Variants in ZC3H11A observed in about 807,000 individuals in gnomAD.
ZC3H11A encodes the protein zinc finger CCCH domain-containing protein 11A.
ZC3H11A carries 22 observed loss-of-function variants against 90.8 expected under a neutral mutation model. The observed-to-expected ratio is 0.24, with a 90% CI of 0.17 to 0.35. The LOEUF (loss-of-function observed/expected upper bound fraction) is 0.35. ZC3H11A is among the 10% of genes least tolerant of loss of function. The probability of loss-of-function intolerance (pLI) is 1.00; values close to 1 mark genes in which losing one functional copy is unlikely to be tolerated. For synonymous variants in ZC3H11A, 294 were observed against 339.8 expected (o/e 0.87, Z 1.48); for missense variants, 701 against 964.9 (o/e 0.73, Z 3.62).
intron 4 of ZC3H11A, among the ~76,000 whole-genome samples, chr1:203,822,958 T>A (rs1462683333): frequency 6.6e-6 from 1 of 152,178 alleles, no homozygotes. Flanking sequence ...GCTACTCCAG[T>A]CTGGTTTTGT....
In ZC3H11A at chr1:203,799,029, G is replaced by A. The variant is rs566034456; in HGVS notation, c.-1587-2546G>A. 210 of 1,536,138 alleles carry A rather than the reference G, an allele frequency of 1.4e-4. No homozygotes were observed. The African/African-American group carries it at 2.8e-3, about 20-fold the overall frequency. ...CTATTTTATTGTGACTGTACACTGGGTTTCTTTGGAAACTGCGTCTTTTCT... is the reference window on the plus strand; with the variant it reads ...CTATTTTATTGTGACTGTACACTGGATTTCTTTGGAAACTGCGTCTTTTCT... On this transcript the variant is annotated intron_variant, in intron 1 of 17. Coordinates refer to ENST00000367210, the MANE Select transcript of ZC3H11A (RefSeq NM_001376342.1).
Position 203,818,692 on chromosome 1 carries a change from A to C in ZC3H11A, c.174+3A>C. 1 of 1,614,076 alleles carries C rather than the reference A, an allele frequency of 6.2e-7. No individual in the cohort carries two copies. Among genetic ancestry groups the C allele is most frequent in the Non-Finnish European group, 8.5e-7 (1 of 1,179,998 alleles). ...GGTTTCGGCACATGGAGATTGATGT[A>C]AGTTTTTTATTTCCGTTATCATAAT... On this transcript the variant is annotated splice_donor_region_variant and intron_variant, in intron 4 of 17. Coordinates refer to ENST00000367210, the MANE Select transcript of ZC3H11A (RefSeq NM_001376342.1).
chr1:203,833,259 T>G (rs1295077618), intron 9 of ZC3H11A, among the ~76,000 whole-genome samples: 2 of 151,116 alleles, frequency 1.3e-5, no homozygotes, highest in African/African-American at 2.4e-5. Flanking sequence ...TCCCAGCTAC[T>G]CAGGCTGAGG....
chr1:203,833,996 A>G, intron 10 of ZC3H11A, 143 bp downstream of exon 10: 1 of 1,367,818 alleles, frequency 7.3e-7, no homozygotes, highest in South Asian at 1.9e-5. Context: ...TCATGTTTTC[A>G]TGAGTGCATT....
At chr1:203,830,870 A>G (rs981914031) in intron 8 of ZC3H11A, among the ~76,000 whole-genome samples, 2 of 145,906 alleles carry the variant, frequency 1.4e-5, no homozygotes, top group African/African-American at 5.1e-5. Flanking sequence ...AAGAGCTGCT[A>G]GGATTTTCTT....
At chr1:203,806,050 A>C (rs1195951385) in intron 2 of ZC3H11A, 2 of 525,534 alleles carry the variant, frequency 3.8e-6, no homozygotes, top group African/African-American at 1.9e-5. Context: ...CTGCTCATAC[A>C]TCCGCTTTTG....
Position 203,852,297 on chromosome 1 carries a change from A to G in ZC3H11A, c.2331A>G (p.Ile777Met). 1.2e-6 allele frequency: 2 copies of G among 1,613,684 alleles called. No individual in the cohort carries two copies. The highest frequency in any genetic ancestry group is 1.7e-6 in the Non-Finnish European group (2 of 1,179,818). ...TGGAGGATGATTTTGAGAAACTAAT[A>G]TGGGAGATTTCAGGAGGCAAATTGG... ...LSVEDDFEKL[I>M]WEISGGKLEA... Residue 777 changes from isoleucine to methionine, a missense_variant, in exon 18 of 18, where the codon ATA becomes ATG. By Grantham distance (10) the Ile-to-Met change is conservative. This residue lies in a region of ZC3H11A where 21 missense variants were observed against 49.1 expected (regional missense o/e 0.43). Transcript: ENST00000367210.
chr1:203,804,291 A>G (rs757624613), intron 2 of ZC3H11A, among the ~76,000 whole-genome samples: 8 of 151,764 alleles, frequency 5.3e-5, no homozygotes, highest in Non-Finnish European at 7.4e-5. Flanking sequence ...AGCTGGGACT[A>G]CAGGCACCCG....
At chr1:203,822,218 T>G (rs764910015) in intron 4 of ZC3H11A, among the ~76,000 whole-genome samples, 3 of 152,188 alleles carry the variant, frequency 2.0e-5, no homozygotes, top group Non-Finnish European at 4.4e-5. Flanking sequence ...ATAATACTTT[T>G]ATTTATTTGA....
Position 203,829,899 on chromosome 1 carries a change from A to G in ZC3H11A, c.619+3A>G. 1 of 1,612,832 alleles carries G rather than the reference A, an allele frequency of 6.2e-7. No individual in the cohort carries two copies. The highest frequency in any genetic ancestry group is 8.5e-7 in the Non-Finnish European group (1 of 1,178,810). On this transcript the variant is annotated splice_donor_region_variant and intron_variant, in intron 7 of 17. Coordinates refer to ENST00000367210, the MANE Select transcript of ZC3H11A (RefSeq NM_001376342.1). ...ACCTGCAGTCAATATAAAGCAAGGT[A>G]AGAAGAGGCTAGATTGGTGCCTCTT...
intron 5 of ZC3H11A, among the ~76,000 whole-genome samples, chr1:203,828,770 G>A (rs898412059): frequency 4.6e-5 from 7 of 152,104 alleles, no homozygotes; most frequent in African/African-American, 1.4e-4. Context: ...ATATAGCCTT[G>A]CCCATTCATT....
chr1:203,800,195 G>GC, intron 1 of ZC3H11A: 1 of 1,516,080 alleles, frequency 6.6e-7, no homozygotes, highest in South Asian at 1.2e-5. Flanking sequence ...GGCAGAGGAA[G>GC]ATAAGCATAT....
rs375349073 is a variant in ZC3H11A at position 203,847,737 on chromosome 1, G to T, written c.1546+50G>T. On this transcript the variant is annotated intron_variant, in intron 13 of 17. Coordinates refer to ENST00000367210, the MANE Select transcript of ZC3H11A (RefSeq NM_001376342.1). ...TACCACGTCCCCACATAATATTCCA[G>T]AGGAGTGTTCCGTGGGATCTTCCTA... 13 of 1,574,904 alleles carry T rather than the reference G, an allele frequency of 8.3e-6. No homozygotes were observed. In the African/African-American group the frequency reaches 1.8e-4, roughly 21 times the overall value.
intron 11 of ZC3H11A, among the ~76,000 whole-genome samples, chr1:203,838,972 A>AAAAG (rs1558133942): frequency 1.3e-5 from 2 of 151,230 alleles, no homozygotes; most frequent in African/African-American, 2.4e-5. Flanking sequence ...AAAAAAAAAA[A>AAAAG]AAAGAAAGAA....
At chr1:203,833,596 T>C (rs1348915751) in intron 9 of ZC3H11A, among the ~76,000 whole-genome samples, 195 bp from the exon 10 acceptor site, 1 of 146,650 alleles carries the variant, frequency 6.8e-6, no homozygotes, top group Non-Finnish European at 1.5e-5. Flanking sequence ...TATGTTTGGC[T>C]GTTTATTATT....
chr1:203,811,878 T>A (rs1674610427), intron 2 of ZC3H11A, among the ~76,000 whole-genome samples: 1 of 151,734 alleles, frequency 6.6e-6, no homozygotes, highest in Non-Finnish European at 1.5e-5. Context: ...TGCAGTAGTG[T>A]GATCTTGGTT....
intron 4 of ZC3H11A, among the ~76,000 whole-genome samples, chr1:203,826,130 C>T (rs181714799): frequency 5.5e-4 from 83 of 152,228 alleles, no homozygotes; most frequent in African/African-American, 1.5e-3. Flanking sequence ...ATTGTTATTC[C>T]TGTCTAAAAA....
intron 13 of ZC3H11A, among the ~76,000 whole-genome samples, chr1:203,848,118 A>G (rs908782850): frequency 9.2e-5 from 14 of 152,158 alleles, no homozygotes; most frequent in African/African-American, 2.9e-4. Context: ...TCAGTCTCCC[A>G]AAGTGCTGGG....
chr1:203,847,379 A>G lies in ZC3H11A; in HGVS notation c.1238A>G (p.Lys413Arg), dbSNP rs1688178702. The change falls in exon 13 of 18, where the codon AAA (lysine) becomes AGA (arginine). Residue 413 changes from lysine (K) to arginine (R), a missense_variant. By Grantham distance (26) the Lys-to-Arg change is conservative (BLOSUM62 2). Coordinates refer to ENST00000367210, the MANE Select transcript of ZC3H11A (RefSeq NM_001376342.1). ...IKTFSEVLAE[K>R]KHRQQEAERQ... ...ACCTTCTCTGAGGTCCTGGCTGAAA[A>G]AAAACATCGGCAGCAGGAAGCAGAG... is the stretch of plus-strand genomic sequence containing the variant. The G allele has an allele frequency of 6.2e-7, 1 of 1,613,886 alleles. No individual in the cohort carries two copies. The highest frequency in any genetic ancestry group is 1.3e-5 in the African/African-American group (1 of 74,932).
Sources: gnomAD v4.1 joint callset for allele counts (sites outside exome capture counted in the v4.1 genomes callset) on GRCh38, gnomAD v4.1.1 for gene constraint, gnomAD v4.1.1 regional missense constraint, MANE v1.5 for transcripts, NCBI Gene and HGNC (gene_info 2026-07-23, HGNC 2026-07-21) for gene names.